Variants in KCNH5 observed in about 807,000 individuals in gnomAD.
KCNH5 encodes the protein potassium voltage-gated channel subfamily H member 5, also known as voltage-gated delayed rectifier potassium channel KCNH5.
KCNH5 carries 46 observed loss-of-function variants against 96.1 expected under a neutral mutation model. The ratio of observed to expected loss-of-function variants is 0.48; its 90% CI spans 0.38 to 0.61. The LOEUF (loss-of-function observed/expected upper bound fraction) is 0.61, where lower values mean the gene tolerates loss of function less well. KCNH5 is among the 20% of genes least tolerant of loss of function. The pLI is 0.00. For synonymous variants in KCNH5, 439 were observed against 449.8 expected (o/e 0.98, Z 0.30); for missense variants, 907 against 1,225.8 (o/e 0.74, Z 3.88).
intron 7 of KCNH5, among the ~76,000 whole-genome samples, chr14:62,881,038 G>T (rs12147279): frequency 6.6e-6 from 1 of 151,972 alleles, no homozygotes; most frequent in Non-Finnish European, 1.5e-5. Context: ...TACCTAAATC[G>T]GTCACTTTTC....
chr14:63,035,839 GA>G (rs1404229483), intron 1 of KCNH5, among the ~76,000 whole-genome samples: 1 of 152,292 alleles, frequency 6.6e-6, no homozygotes, highest in African/African-American at 2.4e-5. Flanking sequence ...AGTCCTTACT[GA>G]GATGATCCAC....
intron 8 of KCNH5, among the ~76,000 whole-genome samples, chr14:62,823,332 T>A (rs1373367791): frequency 6.6e-6 from 1 of 152,078 alleles, no homozygotes; most frequent in African/African-American, 2.4e-5. Flanking sequence ...AAAGTCAAAA[T>A]TTTTCTGTTT....
intron 10 of KCNH5, among the ~76,000 whole-genome samples, chr14:62,709,232 CAAAAAAAAAAAAA>C (rs67304113): frequency 1.1e-4 from 8 of 71,572 alleles, no homozygotes; most frequent in South Asian, 8.4e-4. Context: ...GACTCCTTCT[CAAAAAAAAAAAAA>C]AAAAAAAAAA....
intron 8 of KCNH5, among the ~76,000 whole-genome samples, chr14:62,817,259 AT>A (rs996668465): frequency 1.3e-4 from 18 of 138,342 alleles, no homozygotes; most frequent in Middle Eastern, 3.6e-3. Flanking sequence ...TCATATATAT[AT>A]AATATATATA....
At chr14:62,945,746 G>A (rs915251170) in intron 7 of KCNH5, among the ~76,000 whole-genome samples, 1 of 152,024 alleles carries the variant, frequency 6.6e-6, no homozygotes, top group Non-Finnish European at 1.5e-5. Context: ...ACATGAATTC[G>A]GGTCATAGGT....
Position 62,996,015 on chromosome 14 carries a change from A to G in KCNH5, c.433+5316T>C, listed in dbSNP as rs115808645. The stretch of plus-strand genomic sequence containing the variant: ...CCAAAACTGAATCAACAGCAAGTCT[A>G]CTCTACCCAAGTTCAATGATCTACA... On this transcript the variant is annotated intron_variant, in intron 4 of 10. Transcript: ENST00000322893. Among the ~76,000 whole-genome samples the G allele has an allele frequency of 3.5e-3, 444 of 127,962 alleles. 2 individuals are homozygous for G. The highest frequency in any genetic ancestry group is 0.012 in the African/African-American group (421 of 34,348). The allele number at this position is 127,962 out of a possible 152,430, so 83.9% of individuals were successfully genotyped here.
chr14:62,851,720 G>A (rs1001491007), intron 7 of KCNH5, among the ~76,000 whole-genome samples: 2 of 151,902 alleles, frequency 1.3e-5, no homozygotes, highest in South Asian at 2.1e-4. Flanking sequence ...CTGCAATTAC[G>A]ATTTTTAGTA....
chr14:62,943,796 T>C (rs1889834994), intron 7 of KCNH5, among the ~76,000 whole-genome samples: 1 of 151,948 alleles, frequency 6.6e-6, no homozygotes, highest in African/African-American at 2.4e-5. Flanking sequence ...AGACAGAGTA[T>C]GAAAAAACCA....
At chr14:62,803,855 G>A (rs1320820680) in intron 8 of KCNH5, among the ~76,000 whole-genome samples, 1 of 152,110 alleles carries the variant, frequency 6.6e-6, no homozygotes, top group Non-Finnish European at 1.5e-5. Flanking sequence ...TTTATAGCCA[G>A]AAATGATTTT....
chr14:62,876,590 T>C (rs1339209981), intron 7 of KCNH5, among the ~76,000 whole-genome samples: 1 of 152,220 alleles, frequency 6.6e-6, no homozygotes, highest in African/African-American at 2.4e-5. Flanking sequence ...AAACTGACAT[T>C]TTTAAAAAAT....
At chr14:62,793,670 C>A (rs1886481063) in intron 9 of KCNH5, among the ~76,000 whole-genome samples, 1 of 151,638 alleles carries the variant, frequency 6.6e-6, no homozygotes. Flanking sequence ...AATGCTACCA[C>A]TTAAAAAATT....
At chr14:62,753,925 A>C (rs1046631385) in intron 10 of KCNH5, among the ~76,000 whole-genome samples, 1 of 152,222 alleles carries the variant, frequency 6.6e-6, no homozygotes, top group African/African-American at 2.4e-5. Context: ...TAGTAATAGT[A>C]AGTACACAGA....
At chr14:62,838,924 G>A (rs1887518857) in intron 8 of KCNH5, among the ~76,000 whole-genome samples, 1 of 151,998 alleles carries the variant, frequency 6.6e-6, no homozygotes, top group Non-Finnish European at 1.5e-5. Flanking sequence ...TCTGAAAAAA[G>A]ACATATGTAA....
At chr14:62,907,824 C>A (rs1889059306) in intron 7 of KCNH5, among the ~76,000 whole-genome samples, 1 of 152,196 alleles carries the variant, frequency 6.6e-6, no homozygotes, top group Non-Finnish European at 1.5e-5. Context: ...GTGCAACTTG[C>A]TCTGGCCCCT....
intron 8 of KCNH5, among the ~76,000 whole-genome samples, chr14:62,834,722 T>C (rs1022466583): frequency 2.0e-5 from 3 of 152,046 alleles, no homozygotes; most frequent in African/African-American, 7.2e-5. Flanking sequence ...ATGGTTTCTA[T>C]GTTTTTAAAT....
chr14:62,817,856 C>T (rs1359236458), intron 8 of KCNH5, among the ~76,000 whole-genome samples: 4 of 136,950 alleles, frequency 2.9e-5, no homozygotes, highest in Non-Finnish European at 4.6e-5. Flanking sequence ...TATATATACA[C>T]ATACATACAT....
intron 7 of KCNH5, among the ~76,000 whole-genome samples, chr14:62,944,038 A>G (rs1352627695): frequency 6.6e-6 from 1 of 152,084 alleles, no homozygotes; most frequent in African/African-American, 2.4e-5. Flanking sequence ...GAATTAGGGG[A>G]AGGCCTATAC....
intron 7 of KCNH5, among the ~76,000 whole-genome samples, chr14:62,924,371 G>A (rs1336876360): frequency 6.6e-6 from 1 of 151,858 alleles, no homozygotes; most frequent in Non-Finnish European, 1.5e-5. Flanking sequence ...ACTGTTGGTG[G>A]GAATGTAAAT....
chr14:63,009,218 T>A (rs1418457247), intron 2 of KCNH5, among the ~76,000 whole-genome samples: 9 of 152,082 alleles, frequency 5.9e-5, no homozygotes. Flanking sequence ...AAAAGTAAGT[T>A]ACAACTCAAA....
Sources: allele counts gnomAD v4.1 joint callset (sites outside exome capture counted in the v4.1 genomes callset), GRCh38; gene constraint gnomAD v4.1.1; transcripts MANE v1.5; gene names NCBI Gene and HGNC (gene_info 2026-07-23, HGNC 2026-07-21).